Variants in WIPF3 observed in about 807,000 individuals in gnomAD.
WIPF3 encodes the protein WAS/WASL interacting protein family member 3, also known as WAS/WASL-interacting protein family member 3.
WIPF3 carries 33 observed loss-of-function variants against 38.9 expected under a neutral mutation model. The observed-to-expected ratio is 0.85, with a 90% CI of 0.64 to 1.14. The LOEUF (loss-of-function observed/expected upper bound fraction) is 1.14. WIPF3 is among the 50% of genes most tolerant of loss of function. The pLI, the probability that WIPF3 is intolerant of heterozygous loss-of-function variation, is 0.00. For missense variants in WIPF3, 711 were observed against 652.5 expected, an observed-to-expected ratio of 1.09 and a Z score of -0.98; for synonymous variants, 324 against 269.3, an observed-to-expected ratio of 1.20 and a Z score of -1.99.
chr7:29,865,479 G>A (rs1785370337), intron 2 of WIPF3, among the ~76,000 whole-genome samples: 1 of 152,182 alleles, frequency 6.6e-6, no homozygotes, highest in Non-Finnish European at 1.5e-5. Flanking sequence ...GAAGAGCCAA[G>A]AATGTTGAAA....
chr7:29,845,806 G>A (rs994305142), intron 2 of WIPF3, among the ~76,000 whole-genome samples: 5 of 152,246 alleles, frequency 3.3e-5, no homozygotes, highest in Admixed American at 3.3e-4. Context: ...TCAGTCCGAA[G>A]GACGTAGTAG....
intron 8 of WIPF3, among the ~76,000 whole-genome samples, chr7:29,907,049 A>G (rs1410199901): frequency 6.6e-6 from 1 of 152,242 alleles, no homozygotes; most frequent in Non-Finnish European, 1.5e-5. Context: ...AAATGAAAGG[A>G]CACGAAACAG....
intron 3 of WIPF3, among the ~76,000 whole-genome samples, chr7:29,876,290 T>G (rs887554218): frequency 6.6e-6 from 1 of 152,238 alleles, no homozygotes; most frequent in Non-Finnish European, 1.5e-5. Flanking sequence ...CAGTGCCAAT[T>G]ATTATATTCA....
At chr7:29,822,754 G>A (rs184951619) in intron 1 of WIPF3, among the ~76,000 whole-genome samples, 77 of 152,256 alleles carry the variant, frequency 5.1e-4, no homozygotes, top group Non-Finnish European at 7.8e-4. Context: ...GCAGAGTTAC[G>A]GAGATATAGT....
At chr7:29,856,560 G>T (rs1785190120) in intron 2 of WIPF3, among the ~76,000 whole-genome samples, 2 of 152,180 alleles carry the variant, frequency 1.3e-5, no homozygotes, top group Non-Finnish European at 2.9e-5. Context: ...GCCCAGGATT[G>T]CTTGAGCCTG....
At chr7:29,843,790 C>A (rs962098013) in intron 2 of WIPF3, among the ~76,000 whole-genome samples, 1 of 151,990 alleles carries the variant, frequency 6.6e-6, no homozygotes, top group African/African-American at 2.4e-5. Context: ...TTTAACCTTT[C>A]TTGTCATAAA....
At chr7:29,907,635 G>T (rs1786423456) in intron 8 of WIPF3, among the ~76,000 whole-genome samples, 1 of 152,204 alleles carries the variant, frequency 6.6e-6, no homozygotes, top group African/African-American at 2.4e-5. Context: ...GCATGAGGGA[G>T]CTTGTTCATC....
At chr7:29,901,803 G>A (rs188190479) in intron 7 of WIPF3, among the ~76,000 whole-genome samples, 175 of 126,876 alleles carry the variant, frequency 1.4e-3, no homozygotes, top group Non-Finnish European at 1.6e-3. Context: ...ATGCCACTGC[G>A]CTCCAGAGCA....
chr7:29,899,313 C>T (rs1415792800), intron 7 of WIPF3, among the ~76,000 whole-genome samples: 1 of 152,232 alleles, frequency 6.6e-6, no homozygotes, highest in Non-Finnish European at 1.5e-5. Context: ...TCTCCCCTGA[C>T]TACCCTGTAT....
intron 7 of WIPF3, among the ~76,000 whole-genome samples, chr7:29,898,970 C>T (rs540207476): frequency 2.0e-5 from 3 of 152,150 alleles, no homozygotes; most frequent in Non-Finnish European, 4.4e-5. Context: ...CTGGGTGGCA[C>T]AAACAACAGA....
intron 2 of WIPF3, among the ~76,000 whole-genome samples, chr7:29,853,955 A>C (rs146088933): frequency 6.6e-6 from 1 of 152,220 alleles, no homozygotes; most frequent in African/African-American, 2.4e-5. Context: ...TGCAGCATTT[A>C]TGTCTGATAG....
At chr7:29,883,749 A>G in intron 4 of WIPF3, 101 bp from the exon 5 acceptor site, 18 of 1,456,192 alleles carry the variant, frequency 1.2e-5, no homozygotes, top group Non-Finnish European at 1.6e-5. Context: ...TCTACAGTGC[A>G]GCTCACTGCG....
intron 2 of WIPF3, among the ~76,000 whole-genome samples, chr7:29,838,451 C>T (rs1394227779): frequency 6.6e-6 from 1 of 152,010 alleles, no homozygotes; most frequent in African/African-American, 2.4e-5. Context: ...GAAAGTATTA[C>T]TTGTAATAAT....
intron 4 of WIPF3, among the ~76,000 whole-genome samples, chr7:29,883,367 G>A (rs1785763120): frequency 6.6e-6 from 1 of 152,174 alleles, no homozygotes; most frequent in Admixed American, 6.5e-5. Flanking sequence ...TCTCAACACA[G>A]AAACAAAGAA....
chr7:29,904,470 A>C (rs963821650), intron 8 of WIPF3, 108 bp downstream of exon 8: 3 of 1,139,732 alleles, frequency 2.6e-6, no homozygotes, highest in Admixed American at 1.9e-5. Flanking sequence ...TTTTCCTCAC[A>C]CTCCTTTTCC....
chr7:29,901,948 CT>C (rs1786290556), intron 7 of WIPF3, among the ~76,000 whole-genome samples: 1 of 152,028 alleles, frequency 6.6e-6, no homozygotes. Context: ...GGAATTTTGC[CT>C]CCCAGGAGAC....
chr7:29,814,500 TG>T (rs1583587944), intron 1 of WIPF3, among the ~76,000 whole-genome samples: 1 of 152,220 alleles, frequency 6.6e-6, no homozygotes, highest in East Asian at 1.9e-4. Flanking sequence ...CTGCATTGCA[TG>T]GACTGTGCAG....
chr7:29,868,539 C>T (rs1454181981), intron 2 of WIPF3, among the ~76,000 whole-genome samples: 1 of 134,332 alleles, frequency 7.4e-6, no homozygotes, highest in East Asian at 2.5e-4. Context: ...TATATATACA[C>T]ACACATACAC....
intron 8 of WIPF3, 100 bp downstream of exon 8, chr7:29,904,462 T>G: frequency 8.1e-7 from 1 of 1,230,152 alleles, no homozygotes; most frequent in Non-Finnish European, 1.2e-6. Context: ...CTTTATATTT[T>G]TCCTCACACT....
Sources: allele counts gnomAD v4.1 joint callset (sites outside exome capture counted in the v4.1 genomes callset), GRCh38; gene constraint gnomAD v4.1.1; transcripts MANE v1.5; gene names NCBI Gene and HGNC (gene_info 2026-07-23, HGNC 2026-07-21).